DHX35: variants seen among roughly 807,000 people sequenced by gnomAD.
The protein encoded by DHX35 is DEAH-box helicase 35.
A neutral mutation model predicts 99.6 loss-of-function variants in DHX35; 84 were observed. The ratio of observed to expected loss-of-function variants is 0.84; its 90% CI spans 0.71 to 1.01. The LOEUF (loss-of-function observed/expected upper bound fraction) is 1.01, where lower values mean the gene tolerates loss of function less well. DHX35 is among the 50% of genes least tolerant of loss of function. The probability of loss-of-function intolerance (pLI) is 0.00; values close to 1 mark genes in which losing one functional copy is unlikely to be tolerated. For synonymous variants in DHX35, 331 were observed against 316.2 expected, an observed-to-expected ratio of 1.05 and a Z score of -0.50; for missense variants, 852 against 888.5, an observed-to-expected ratio of 0.96 and a Z score of 0.52.
intron 1 of DHX35, among the ~76,000 whole-genome samples, chr20:38,963,320 T>C (rs571515053): frequency 2.6e-5 from 4 of 152,362 alleles, no homozygotes; most frequent in Non-Finnish European, 5.9e-5. Flanking sequence ...CAAAGTATAT[T>C]GCAGCAAAAA....
chr20:39,004,835 A>G (rs1428656958), intron 11 of DHX35, among the ~76,000 whole-genome samples: 1 of 152,154 alleles, frequency 6.6e-6, no homozygotes, highest in African/African-American at 2.4e-5. Flanking sequence ...CAGGTGAGGG[A>G]TGGTCTGAGG....
At chr20:39,027,292 T>G (rs2086972766) in intron 18 of DHX35, among the ~76,000 whole-genome samples, 1 of 152,202 alleles carries the variant, frequency 6.6e-6, no homozygotes, top group Non-Finnish European at 1.5e-5. Flanking sequence ...CATGCAAATT[T>G]AAAACATCTA....
At chr20:38,978,249 G>T in intron 3 of DHX35, 1 of 806,854 alleles carries the variant, frequency 1.2e-6, no homozygotes, top group Non-Finnish European at 2.2e-6. Context: ...CTTCAACAAT[G>T]TGCAATTCAT....
In DHX35 at chr20:39,006,361, G is replaced by T; in HGVS notation, c.1222+5G>T. ...AATGTTATCGCCTTTATACAGGTTAGTGTGGCTTTCCCTAAGGGTTTTTGA... is the reference window on the plus strand; with the variant it reads ...AATGTTATCGCCTTTATACAGGTTATTGTGGCTTTCCCTAAGGGTTTTTGA... On this transcript the variant is annotated splice_donor_5th_base_variant and intron_variant, in intron 12 of 21. Transcript: ENST00000252011. 6.2e-7 allele frequency: 1 copy of T among 1,613,040 alleles called. No individual in the cohort carries two copies. The highest frequency in any genetic ancestry group is 8.5e-7 in the Non-Finnish European group (1 of 1,179,092).
At chr20:39,015,826 A>C (rs2086776438) in intron 14 of DHX35, among the ~76,000 whole-genome samples, 1 of 152,142 alleles carries the variant, frequency 6.6e-6, no homozygotes, top group Non-Finnish European at 1.5e-5. Flanking sequence ...ATCTTTACCC[A>C]TTAGCGCCGA....
intron 3 of DHX35, among the ~76,000 whole-genome samples, chr20:38,979,862 A>T (rs1457914674): frequency 6.6e-6 from 1 of 151,864 alleles, no homozygotes; most frequent in African/African-American, 2.4e-5. Context: ...TGTAAAAAAA[A>T]AAAACAAAAA....
intron 15 of DHX35, 77 bp from the exon 16 acceptor site, chr20:39,021,764 G>A: frequency 7.2e-7 from 1 of 1,387,720 alleles, no homozygotes; most frequent in Non-Finnish European, 1.0e-6. Context: ...GTGGTGCAAG[G>A]AAAGTATCAG....
intron 1 of DHX35, among the ~76,000 whole-genome samples, chr20:38,964,469 C>T (rs943231476): frequency 1.1e-4 from 16 of 152,012 alleles, no homozygotes; most frequent in African/African-American, 3.9e-4. Flanking sequence ...CTGGCTCAGC[C>T]GCCCAGGCTG....
At chr20:38,981,943 C>CAAA (rs1161300647) in intron 3 of DHX35, among the ~76,000 whole-genome samples, 14 of 87,254 alleles carry the variant, frequency 1.6e-4, no homozygotes, top group African/African-American at 2.1e-4. Flanking sequence ...GACTCTGTCT[C>CAAA]AAAAAAAAAA....
intron 16 of DHX35, among the ~76,000 whole-genome samples, chr20:39,023,040 C>G (rs2086897672): frequency 6.6e-6 from 1 of 152,166 alleles, no homozygotes. Flanking sequence ...TTTTCTGCCT[C>G]TGTGCCCAGA....
At chr20:38,979,582 C>T (rs1301854550) in intron 3 of DHX35, among the ~76,000 whole-genome samples, 13 of 152,222 alleles carry the variant, frequency 8.5e-5, no homozygotes. Context: ...TCCCTTTTCT[C>T]CTAGCCACTC....
intron 4 of DHX35, among the ~76,000 whole-genome samples, chr20:38,985,374 CAAAA>C (rs58084339): frequency 2.6e-4 from 19 of 73,952 alleles, no homozygotes; most frequent in African/African-American, 6.8e-4. Flanking sequence ...ACCCTATCTC[CAAAA>C]AAAAAAAAAA....
At chr20:39,012,184 G>A (rs776137780) in intron 13 of DHX35, among the ~76,000 whole-genome samples, 16 of 152,188 alleles carry the variant, frequency 1.1e-4, no homozygotes, top group Non-Finnish European at 1.6e-4. Context: ...GGGAGGTGGA[G>A]GTTGCAGTGA....
chr20:39,004,128 T>A (rs1301519962), intron 11 of DHX35, among the ~76,000 whole-genome samples: 1 of 152,280 alleles, frequency 6.6e-6, no homozygotes, highest in East Asian at 1.9e-4. Flanking sequence ...AGTGGCGCGA[T>A]CTCAGCTCAC....
At chr20:39,031,386 T>G (rs1480045821) in intron 20 of DHX35, among the ~76,000 whole-genome samples, 1 of 147,098 alleles carries the variant, frequency 6.8e-6, no homozygotes, top group East Asian at 2.1e-4. Context: ...CAGGCTGGAG[T>G]GCAGTGACGG....
intron 15 of DHX35, among the ~76,000 whole-genome samples, chr20:39,020,813 G>GCCA (rs1451913667): frequency 6.6e-6 from 1 of 152,058 alleles, no homozygotes; most frequent in Non-Finnish European, 1.5e-5. Flanking sequence ...ACAGGCATGT[G>GCCA]CCACCATGCC....
intron 5 of DHX35, among the ~76,000 whole-genome samples, chr20:38,989,995 G>A (rs778766216): frequency 6.6e-6 from 1 of 152,190 alleles, no homozygotes; most frequent in African/African-American, 2.4e-5. Context: ...AATGACCAAT[G>A]TAGTGATTTG....
In DHX35 at chr20:39,023,746, T is replaced by C. The variant is rs61757596; in HGVS notation, c.1650T>C (p.Asn550=). The change falls in exon 17 of 22, where the codon AAT becomes AAC. Residue 550 remains asparagine (N), a synonymous_variant. Coordinates refer to ENST00000252011, the MANE Select transcript of DHX35 (RefSeq NM_021931.4). ...AGGGCGACCACCTCACTATGCTCAA[T>C]ATATATGAAGCATTTATCAAAGTAA... ...VEEGDHLTML[N]IYEAFIKHNK... is the part of the protein sequence containing the mutation. 4.4e-5 allele frequency: 71 copies of C among 1,613,918 alleles called. No individual in the cohort carries two copies. The highest frequency in any genetic ancestry group is 5.7e-5 in the Non-Finnish European group (67 of 1,179,928).
chr20:39,038,175 C>T (rs756720715), intron 21 of DHX35, among the ~76,000 whole-genome samples: 3 of 152,230 alleles, frequency 2.0e-5, no homozygotes, highest in Non-Finnish European at 2.9e-5. Flanking sequence ...TGTCTGGCTG[C>T]GGTGCTGTCC....
Sources: gnomAD v4.1 joint callset for allele counts (sites outside exome capture counted in the v4.1 genomes callset) on GRCh38, gnomAD v4.1.1 for gene constraint, MANE v1.5 for transcripts, NCBI Gene and HGNC (gene_info 2026-07-23, HGNC 2026-07-21) for gene names.